TRMT11: variants seen among roughly 807,000 people sequenced by gnomAD.
TRMT11 encodes the protein tRNA methyltransferase 11.
In TRMT11, 53 loss-of-function variants were observed where a neutral mutation model predicts 62.8. The observed-to-expected ratio is 0.84, with a 90% CI of 0.68 to 1.06. The LOEUF is 1.06. TRMT11 is among the 50% of genes least tolerant of loss of function. TRMT11 has a pLI of 0.00. For synonymous variants in TRMT11, 188 were observed against 190.3 expected (o/e 0.99, Z 0.10); for missense variants, 556 against 553.4 (o/e 1.00, Z -0.05).
the TRMT11 span, among the ~76,000 whole-genome samples, chr6:126,248,311 T>C: frequency 6.6e-6 from 1 of 152,132 alleles, no homozygotes; most frequent in East Asian, 1.9e-4. Flanking sequence ...TAGCAGAGTA[T>C]CTCTGTTTTA....
chr6:126,006,356 C>T (rs2128797884), intron 7 of TRMT11, among the ~76,000 whole-genome samples: 1 of 151,946 alleles, frequency 6.6e-6, no homozygotes, highest in East Asian at 1.9e-4. Context: ...GCAAAGCTTT[C>T]CAGTTAGTTC....
chr6:126,172,300 A>G (rs1778338580), upstream of TRMT11, among the ~76,000 whole-genome samples: 1 of 152,102 alleles, frequency 6.6e-6, no homozygotes, highest in Non-Finnish European at 1.5e-5. Context: ...TACTTAGAAT[A>G]AGATGTCATT....
chr6:126,038,200 C>T lies in TRMT11; in HGVS notation c.1261-505C>T, dbSNP rs189544313. ...CTACTATGTTCACTTAAAGTTTCCACGAATTGTTTATTTCATTAACTGAAT... is the reference window on the plus strand; with the variant it reads ...CTACTATGTTCACTTAAAGTTTCCATGAATTGTTTATTTCATTAACTGAAT... On this transcript the variant is annotated intron_variant, in intron 12 of 12. Coordinates refer to ENST00000334379, the MANE Select transcript of TRMT11 (RefSeq NM_001031712.3). Among the ~76,000 whole-genome samples the T allele has an allele frequency of 8.2e-4, 124 of 152,090 alleles. No individual in the cohort carries two copies. In the East Asian group the frequency reaches 0.017, roughly 21 times the overall value.
At chr6:126,186,336 T>A (rs540070791) in intron 1 of TRMT11, among the ~76,000 whole-genome samples, 90 of 152,326 alleles carry the variant, frequency 5.9e-4, no homozygotes, top group South Asian at 1.2e-3. Context: ...TCTTTTTTTT[T>A]ATTTAATTAT....
the TRMT11 span, among the ~76,000 whole-genome samples, chr6:126,216,120 T>G: frequency 3.3e-5 from 5 of 152,108 alleles, no homozygotes; most frequent in African/African-American, 1.2e-4. Flanking sequence ...CTCATTAATG[T>G]CTTTTTATTT....
At chr6:126,245,603 A>G in the TRMT11 span, among the ~76,000 whole-genome samples, 1 of 152,268 alleles carries the variant, frequency 6.6e-6, no homozygotes. Context: ...GGTAAGTGAA[A>G]ACTTCTGCTT....
At chr6:126,234,537 T>G in the TRMT11 span, among the ~76,000 whole-genome samples, 12,413 of 152,028 alleles carry the variant, frequency 0.082, 1,675 homozygotes, top group African/African-American at 0.28. Flanking sequence ...GCCCCAGAGA[T>G]AAGGTGTCAT....
chr6:126,244,799 T>A, the TRMT11 span, among the ~76,000 whole-genome samples: 2 of 152,206 alleles, frequency 1.3e-5, no homozygotes, highest in African/African-American at 4.8e-5. Context: ...TTATTTGATA[T>A]CCTTGACTAG....
chr6:126,143,549 T>C (rs1777942631), intron 21 of TRMT11, among the ~76,000 whole-genome samples: 1 of 152,264 alleles, frequency 6.6e-6, no homozygotes, highest in African/African-American at 2.4e-5. Context: ...TGGAAAAGAA[T>C]TAAGAATTGT....
intron 21 of TRMT11, among the ~76,000 whole-genome samples, chr6:126,130,829 A>T (rs1583883935): frequency 6.6e-6 from 1 of 152,120 alleles, no homozygotes. Context: ...AGCAGTGACA[A>T]ATGACTCTGG....
intron 17 of TRMT11, among the ~76,000 whole-genome samples, chr6:126,108,546 G>C (rs1777489979): frequency 6.6e-6 from 1 of 152,112 alleles, no homozygotes; most frequent in South Asian, 2.1e-4. Context: ...ACTCATTTTA[G>C]AGATCAGTTA....
At position 126,034,760 on chromosome 6, in the gene TRMT11, G is replaced by A. The variant is rs79811288; in HGVS notation, c.1261-3945G>A. ...GGTAGACAGATTTAGAAATGTTAGC[G>A]AAACCAAAAGTCAAACACTGGGATG... On this transcript the variant is annotated intron_variant, in intron 12 of 12. Transcript: ENST00000334379. Among the ~76,000 whole-genome samples, 262 of 152,114 alleles carry A rather than the reference G, an allele frequency of 1.7e-3. 2 individuals are homozygous for A. Among genetic ancestry groups the A allele is most frequent in the African/African-American group, 6.0e-3 (249 of 41,520 alleles).
chr6:126,195,972 T>G (rs1290604548), intron 1 of TRMT11, among the ~76,000 whole-genome samples: 1 of 152,192 alleles, frequency 6.6e-6, no homozygotes, highest in Non-Finnish European at 1.5e-5. Context: ...GAGAAAATTA[T>G]TTGCACTAAG....
At chr6:126,131,238 T>C (rs988827980) in intron 21 of TRMT11, among the ~76,000 whole-genome samples, 1 of 152,054 alleles carries the variant, frequency 6.6e-6, no homozygotes, top group Non-Finnish European at 1.5e-5. Flanking sequence ...GACAAGAGAA[T>C]TGGTGTTAGA....
chr6:126,201,512 G>A (rs1387907589), intron 3 of TRMT11, among the ~76,000 whole-genome samples: 2 of 152,050 alleles, frequency 1.3e-5, no homozygotes, highest in South Asian at 2.1e-4. Flanking sequence ...GGATTGATCC[G>A]GATCCTATCA....
intron 17 of TRMT11, among the ~76,000 whole-genome samples, chr6:126,096,889 C>T (rs2128174005): frequency 6.6e-6 from 1 of 152,184 alleles, no homozygotes; most frequent in Non-Finnish European, 1.5e-5. Context: ...AGGAAAGAAG[C>T]TCATTATAAC....
downstream of TRMT11, among the ~76,000 whole-genome samples, chr6:126,204,854 C>A (rs897681709): frequency 6.6e-6 from 1 of 152,212 alleles, no homozygotes; most frequent in Non-Finnish European, 1.5e-5. Context: ...GCACATTGGG[C>A]AGAGCCAGTT....
downstream of TRMT11, among the ~76,000 whole-genome samples, chr6:126,044,150 A>T (rs1345131485): frequency 1.3e-5 from 2 of 151,942 alleles, no homozygotes; most frequent in African/African-American, 4.8e-5. Context: ...CCTGAATGGT[A>T]ATGCCTAGGT....
At chr6:126,047,090 C>T (rs548192502) in intron 16 of TRMT11, among the ~76,000 whole-genome samples, 67 of 151,976 alleles carry the variant, frequency 4.4e-4, no homozygotes, top group Non-Finnish European at 6.6e-4. Context: ...GCCAGATACA[C>T]GGCTTCTGAA....
Sources: allele counts gnomAD v4.1 joint callset (sites outside exome capture counted in the v4.1 genomes callset), GRCh38; gene constraint gnomAD v4.1.1; transcripts MANE v1.5; gene names NCBI Gene and HGNC (gene_info 2026-07-23, HGNC 2026-07-21).